Variants in PEPD observed in about 807,000 individuals in gnomAD.
The protein encoded by PEPD is peptidase D, also known as xaa-Pro dipeptidase.
PEPD carries 53 observed loss-of-function variants against 60.7 expected under a neutral mutation model. That is an observed-to-expected ratio of 0.87 (90% CI 0.70 to 1.10). PEPD has a LOEUF of 1.10. PEPD is among the 50% of genes least tolerant of loss of function. The probability of loss-of-function intolerance (pLI) is 0.00; values close to 1 mark genes in which losing one functional copy is unlikely to be tolerated. For missense variants in PEPD, 711 were observed against 711.9 expected (o/e 1.00, Z 0.01); for synonymous variants, 267 against 284.1 (o/e 0.94, Z 0.60).
chr19:33,505,015 T>G (rs887366685), intron 3 of PEPD, among the ~76,000 whole-genome samples: 3 of 152,180 alleles, frequency 2.0e-5, no homozygotes, highest in Non-Finnish European at 2.9e-5. Flanking sequence ...CTGCAGTGAC[T>G]GCCAGCAACT....
intron 9 of PEPD, among the ~76,000 whole-genome samples, chr19:33,423,968 G>C (rs780127309): frequency 9.2e-5 from 14 of 152,248 alleles, no homozygotes; most frequent in South Asian, 2.1e-4. Flanking sequence ...TGTAGGTCAT[G>C]AGGCAGAATG....
chr19:33,422,957 TC>T (rs1969061299), intron 9 of PEPD, among the ~76,000 whole-genome samples: 1 of 152,146 alleles, frequency 6.6e-6, no homozygotes, highest in African/African-American at 2.4e-5. Flanking sequence ...TATCTACTCA[TC>T]CAATACTCTG....
At chr19:33,438,043 G>A (rs1196267146) in intron 9 of PEPD, among the ~76,000 whole-genome samples, 1 of 152,232 alleles carries the variant, frequency 6.6e-6, no homozygotes, top group Non-Finnish European at 1.5e-5. Context: ...GCCGGTGCAT[G>A]AGAGCCACGG....
intron 7 of PEPD, among the ~76,000 whole-genome samples, chr19:33,474,166 G>T (rs963931750): frequency 6.6e-6 from 1 of 152,194 alleles, no homozygotes; most frequent in African/African-American, 2.4e-5. Flanking sequence ...GTGCTGGACC[G>T]TACGTTCAGT....
At chr19:33,509,724 C>G (rs1362881808) in intron 3 of PEPD, among the ~76,000 whole-genome samples, 1 of 152,212 alleles carries the variant, frequency 6.6e-6, no homozygotes, top group East Asian at 1.9e-4. Context: ...ACTCTCCAGG[C>G]GGAGATGACA....
chr19:33,392,881 C>A (rs1968259426), intron 12 of PEPD, among the ~76,000 whole-genome samples: 1 of 151,170 alleles, frequency 6.6e-6, no homozygotes, highest in Non-Finnish European at 1.5e-5. Context: ...ACCCCCGACA[C>A]ACTGGGCACA....
intron 12 of PEPD, among the ~76,000 whole-genome samples, chr19:33,401,261 C>G (rs572216351): frequency 1.3e-5 from 2 of 152,234 alleles, no homozygotes; most frequent in African/African-American, 4.8e-5. Context: ...CTCCATGAGT[C>G]GGCTGCTTCC....
At position 33,493,492 on chromosome 19, in the gene PEPD, C is replaced by A. The variant is rs575677783; in HGVS notation, c.394-155G>T. ...TGCCCTCACCCTGCAGGTGAAGAAA[C>A]CCAGCTTCCCCTGGTTGAAGGACTT... On this transcript the variant is annotated intron_variant, in intron 4 of 14. Coordinates refer to ENST00000244137, the MANE Select transcript of PEPD (RefSeq NM_000285.4). The A allele has an allele frequency of 3.7e-4, 259 of 706,722 alleles. 1 individual carries two copies. The African/African-American group carries it at 3.7e-3, about 10-fold the overall frequency. 43.8% of individuals were successfully genotyped at this position (706,722 alleles called of 1,614,324 possible).
At chr19:33,464,808 G>C (rs577396809) in intron 7 of PEPD, among the ~76,000 whole-genome samples, 1 of 152,256 alleles carries the variant, frequency 6.6e-6, no homozygotes, top group South Asian at 2.1e-4. Context: ...ATGTGGTTAG[G>C]TTTCTGGTGG....
chr19:33,466,885 C>T (rs1027295914), intron 7 of PEPD, among the ~76,000 whole-genome samples: 13 of 151,962 alleles, frequency 8.6e-5, no homozygotes, highest in East Asian at 3.9e-4. Context: ...AGGCCGGGCG[C>T]GGTGGCTCAA....
In PEPD at chr19:33,481,015, T is replaced by C. The variant is rs567023919; in HGVS notation, c.504-2925A>G. Reference sequence around the variant, plus strand: ...CACTAAGCATGCCCTCTGACCACAATGGAATGAAATAAGAAATCAGTAACA... The same window carrying C: ...CACTAAGCATGCCCTCTGACCACAACGGAATGAAATAAGAAATCAGTAACA... On this transcript the variant is annotated intron_variant, in intron 6 of 14. Transcript: ENST00000244137. 5.9e-5 allele frequency among the ~76,000 whole-genome samples: 9 copies of C among 151,814 alleles called. No homozygotes were observed. In the South Asian group the frequency reaches 1.9e-3, roughly 32 times the overall value.
chr19:33,512,954 C>T (rs1970957617), intron 1 of PEPD, among the ~76,000 whole-genome samples, 178 bp from the exon 2 acceptor site: 1 of 152,046 alleles, frequency 6.6e-6, no homozygotes. Context: ...ACTGATCCCC[C>T]TGAGGACCAC....
intron 3 of PEPD, among the ~76,000 whole-genome samples, chr19:33,502,358 G>A (rs928214855): frequency 1.3e-5 from 2 of 152,172 alleles, no homozygotes; most frequent in Non-Finnish European, 2.9e-5. Flanking sequence ...TTTCTGGATG[G>A]TGTTTCCTGG....
At chr19:33,390,122 CTT>C (rs1968179556) in intron 13 of PEPD, among the ~76,000 whole-genome samples, 1 of 152,234 alleles carries the variant, frequency 6.6e-6, no homozygotes, top group Non-Finnish European at 1.5e-5. Flanking sequence ...AAACAAATGA[CTT>C]TTATAGGAAA....
At chr19:33,513,243 C>G (rs763407109) in intron 1 of PEPD, among the ~76,000 whole-genome samples, 1 of 152,180 alleles carries the variant, frequency 6.6e-6, no homozygotes, top group Non-Finnish European at 1.5e-5. Flanking sequence ...ACCCTGGGGC[C>G]TCTTCCCTAA....
chr19:33,509,932 C>T (rs1031053174), intron 3 of PEPD, among the ~76,000 whole-genome samples: 1 of 152,156 alleles, frequency 6.6e-6, no homozygotes, highest in Non-Finnish European at 1.5e-5. Flanking sequence ...ACAGGTGAGC[C>T]GGGAGGGCAG....
chr19:33,500,677 G>A (rs1027780068), intron 4 of PEPD, among the ~76,000 whole-genome samples: 4 of 152,162 alleles, frequency 2.6e-5, no homozygotes, highest in African/African-American at 4.8e-5. Context: ...TAATCTCAGC[G>A]GCCACAACCC....
chr19:33,507,193 A>T lies in PEPD; in HGVS notation c.329+3835T>A, dbSNP rs74468129. Among the ~76,000 whole-genome samples the T allele has an allele frequency of 1.2e-4, 19 of 152,140 alleles. No homozygotes were observed. The East Asian group carries it at 3.7e-3, about 30-fold the overall frequency. ...GAGCCGGGGACGGAATGCGTTACAA[A>T]GGTTCCAGGAGGGTCCCCCGACCTG... On this transcript the variant is annotated intron_variant, in intron 3 of 14. Coordinates refer to ENST00000244137, the MANE Select transcript of PEPD (RefSeq NM_000285.4).
chr19:33,445,779 G>A (rs1305703267), intron 9 of PEPD, among the ~76,000 whole-genome samples: 1 of 152,196 alleles, frequency 6.6e-6, no homozygotes, highest in East Asian at 1.9e-4. Flanking sequence ...AACCACCAGG[G>A]CCTGCACTGC....
Sources: allele counts gnomAD v4.1 joint callset (sites outside exome capture counted in the v4.1 genomes callset), GRCh38; gene constraint gnomAD v4.1.1; transcripts MANE v1.5; gene names NCBI Gene and HGNC (gene_info 2026-07-23, HGNC 2026-07-21).